The following CASP6 variants were observed in gnomAD, a reference collection of about 807,000 sequenced individuals.
The protein encoded by CASP6 is caspase-6.
A neutral mutation model predicts 31.8 loss-of-function variants in CASP6; 20 were observed. The ratio of observed to expected loss-of-function variants is 0.63; its 90% CI spans 0.44 to 0.91. CASP6 has a LOEUF of 0.91. Ranked by LOEUF, CASP6 falls within the 40% of genes least tolerant of loss-of-function variation. The pLI is 0.00. For synonymous variants in CASP6, 130 were observed against 127.8 expected (o/e 1.02, Z -0.12); for missense variants, 328 against 361.1 (o/e 0.91, Z 0.74).
At chr4:109,682,783 C>G in the CASP6 span, 14 of 1,504,498 alleles carry the variant, frequency 9.3e-6, no homozygotes, top group Non-Finnish European at 1.3e-5. Context: ...AAAATAATAC[C>G]TAGTGTTTAT....
intron 6 of CASP6, among the ~76,000 whole-genome samples, chr4:109,690,488 C>T (rs975038556): frequency 3.3e-5 from 5 of 151,458 alleles, no homozygotes; most frequent in Non-Finnish European, 7.4e-5. Context: ...TGCCATTGCA[C>T]TTCAGCCTCA....
chr4:109,706,892 A>G (rs6533449), upstream of CASP6, among the ~76,000 whole-genome samples: 101,203 of 152,012 alleles, frequency 0.67, 34,232 homozygotes, highest in African/African-American at 0.79. Flanking sequence ...GAGTGACAGA[A>G]CGAGACTCCA....
the CASP6 span, among the ~76,000 whole-genome samples, chr4:109,679,138 G>T: frequency 3.3e-5 from 5 of 149,990 alleles, no homozygotes; most frequent in Non-Finnish European, 7.4e-5. Flanking sequence ...GGGATGGCCG[G>T]GCAGAGGTGC....
chr4:109,681,392 T>A, the CASP6 span: 229 of 441,950 alleles, frequency 5.2e-4, 2 homozygotes, highest in South Asian at 3.6e-3. Context: ...CTGAAAAGGG[T>A]CTAAAGTTGT....
In CASP6 at chr4:109,703,437, T is replaced by G. The variant is rs756861876; in HGVS notation, c.-42A>C. ...GCCAGACACCTTGCCCTCCTCTTCC[T>G]GAAGCCACAGGCTCCCGGGCCCGGC... On this transcript the variant is annotated 5_prime_UTR_variant, in exon 1 of 7. Coordinates refer to ENST00000265164, the MANE Select transcript of CASP6 (RefSeq NM_001226.4). 1.2e-6 allele frequency: 2 copies of G among 1,604,164 alleles called. No homozygotes were observed. The highest frequency in any genetic ancestry group is 1.3e-5 in the African/African-American group (1 of 74,828).
intron 6 of CASP6, 48 bp from the exon 7 acceptor site, chr4:109,689,616 T>C (rs1431658260): frequency 2.0e-6 from 3 of 1,501,616 alleles, no homozygotes; most frequent in African/African-American, 2.8e-5. Flanking sequence ...TGGCTTTCAA[T>C]TACTGTGTGT....
Position 109,696,476 on chromosome 4 carries a change from G to A in CASP6, c.241C>T (p.Leu81=), listed in dbSNP as rs1342799459. The A allele has an allele frequency of 1.9e-6, 3 of 1,610,006 alleles. No homozygotes were observed. Among genetic ancestry groups the A allele is most frequent in the Admixed American group, 3.3e-5 (2 of 59,730 alleles). ...RDNLTRRFSD[L]GFEVKCFNDL... ...TTAAAGCATTTCACTTCAAATCCTA[G>A]ATCTGAAAACCTAGTGGTATATTAA... Residue 81 remains leucine (L), a synonymous_variant, in exon 4 of 7, where the codon CTA becomes TTA. Coordinates refer to ENST00000265164, the MANE Select transcript of CASP6 (RefSeq NM_001226.4).
chr4:109,694,926 G>A (rs961477885), intron 4 of CASP6, among the ~76,000 whole-genome samples: 26 of 152,068 alleles, frequency 1.7e-4, no homozygotes, highest in African/African-American at 4.8e-4. Context: ...TCCACCTCCC[G>A]GGTTCAAGCG....
At chr4:109,685,506 G>A (rs1729820281), downstream of CASP6, 10 of 477,666 alleles carry the variant, frequency 2.1e-5, no homozygotes, top group South Asian at 4.6e-4. Flanking sequence ...TCATTGAAAT[G>A]GTTGACATAT....
chr4:109,688,891 T>C lies in CASP6; in HGVS notation c.*439A>G, dbSNP rs368047639. ...TTTTTTTTTTTTTTTTTAAGGCAGTTCTCTGCTAGGCATTAAACTTTAAAA... is the reference window on the plus strand; with the variant it reads ...TTTTTTTTTTTTTTTTTAAGGCAGTCCTCTGCTAGGCATTAAACTTTAAAA... On this transcript the variant is annotated 3_prime_UTR_variant, in exon 7 of 7. Coordinates refer to ENST00000265164, the MANE Select transcript of CASP6 (RefSeq NM_001226.4). The C allele has an allele frequency of 6.6e-6, 1 of 151,880 alleles. No individual in the cohort carries two copies. Among genetic ancestry groups the C allele is most frequent in the Non-Finnish European group, 1.5e-5 (1 of 68,108 alleles). The allele number at this position is 151,880 out of a possible 1,614,324, so 9.4% of individuals were successfully genotyped here. A position where few individuals can be genotyped will look rare whatever the true frequency, so the allele number is the denominator to read the frequency against.
chr4:109,687,800 A>G (rs1396210288), downstream of CASP6: 4 of 545,670 alleles, frequency 7.3e-6, no homozygotes, highest in Non-Finnish European at 1.3e-5. Flanking sequence ...GTATGCGTCT[A>G]TCAAAGCAAC....
In CASP6 at chr4:109,689,541, T is replaced by G; in HGVS notation, c.671A>C (p.Asn224Thr). The G allele has an allele frequency of 6.2e-7, 1 of 1,614,174 alleles. No homozygotes were observed. Among genetic ancestry groups the G allele is most frequent in the South Asian group, 1.1e-5 (1 of 91,076 alleles). Residue 224 changes from asparagine (N) to threonine (T), a missense_variant, in exon 7 of 7, where the codon AAC (asparagine) becomes ACC (threonine). By Grantham distance (65) the Asn-to-Thr change is moderately conservative. Coordinates refer to ENST00000265164, the MANE Select transcript of CASP6 (RefSeq NM_001226.4). ...CAAATCTTGAATGTACCATGAGCCG[T>G]TCACAGTTTCCCGGTGAGAATAATA... Reference protein sequence around the residue: ...EGYYSHRETVNGSWYIQDLCE... With the variant: ...EGYYSHRETVTGSWYIQDLCE...
intron 5 of CASP6, among the ~76,000 whole-genome samples, chr4:109,691,407 T>C (rs905590916): frequency 3.3e-5 from 5 of 152,182 alleles, no homozygotes; most frequent in African/African-American, 7.2e-5. Context: ...TATTTCCAGA[T>C]TGACTTTTGC....
At chr4:109,702,147 C>T (rs910662739) in intron 1 of CASP6, among the ~76,000 whole-genome samples, 3 of 152,186 alleles carry the variant, frequency 2.0e-5, no homozygotes. Flanking sequence ...GCCCCGGCTT[C>T]CCGCCCCTAG....
chr4:109,692,620 T>C (rs1312139852), intron 5 of CASP6: 1 of 152,236 alleles, frequency 6.6e-6, no homozygotes, highest in Non-Finnish European at 1.5e-5. Flanking sequence ...CTTCAGCCCA[T>C]TCCTCATGGG....
At chr4:109,676,897 G>C in the CASP6 span, among the ~76,000 whole-genome samples, 3 of 152,228 alleles carry the variant, frequency 2.0e-5, no homozygotes, top group Non-Finnish European at 4.4e-5. Context: ...TTAAAAATGA[G>C]GCAGAATGTA....
the CASP6 span, among the ~76,000 whole-genome samples, chr4:109,669,687 G>A: frequency 4.8e-5 from 7 of 146,134 alleles, no homozygotes; most frequent in Non-Finnish European, 1.0e-4. Flanking sequence ...GTTCTTAGAT[G>A]TTCTGTTCTG....
chr4:109,686,808 C>T (rs1729851868), downstream of CASP6, among the ~76,000 whole-genome samples: 1 of 152,094 alleles, frequency 6.6e-6, no homozygotes, highest in South Asian at 2.1e-4. Context: ...CCCAAGAGTT[C>T]CAAAGCTGCA....
chr4:109,684,633 T>C, downstream of CASP6: 1 of 1,483,486 alleles, frequency 6.7e-7, no homozygotes, highest in Non-Finnish European at 9.4e-7. Context: ...GCATACTTTA[T>C]AGTCACTCGA....
Sources: allele counts gnomAD v4.1 joint callset (sites outside exome capture counted in the v4.1 genomes callset), GRCh38; gene constraint gnomAD v4.1.1; transcripts MANE v1.5; gene names NCBI Gene and HGNC (gene_info 2026-07-23, HGNC 2026-07-21).